The following SLC9A9 variants were observed in gnomAD, a reference collection of about 807,000 sequenced individuals.
SLC9A9 encodes the protein solute carrier family 9 member A9, also known as sodium/hydrogen exchanger 9.
A neutral mutation model predicts 77.8 loss-of-function variants in SLC9A9; 62 were observed. That is an observed-to-expected ratio of 0.80 (90% CI 0.65 to 0.98). The LOEUF (loss-of-function observed/expected upper bound fraction) is 0.98, where lower values mean the gene tolerates loss of function less well. SLC9A9 is among the 50% of genes least tolerant of loss of function. SLC9A9 has a pLI of 0.00. For missense variants in SLC9A9, 775 were observed against 774.9 expected (o/e 1.00, Z 0.00); for synonymous variants, 320 against 283.5 (o/e 1.13, Z -1.29).
intron 4 of SLC9A9, among the ~76,000 whole-genome samples, chr3:143,701,688 A>G (rs555039115): frequency 1.3e-5 from 2 of 152,340 alleles, no homozygotes; most frequent in South Asian, 4.1e-4. Flanking sequence ...CAAAAGGGCA[A>G]ATTTAAGAGT....
At chr3:143,518,023 T>C in intron 9 of SLC9A9, 2 of 1,427,054 alleles carry the variant, frequency 1.4e-6, no homozygotes, top group Non-Finnish European at 2.0e-6. Context: ...CTTCTGCCTT[T>C]AAGTCTTCCT....
intron 4 of SLC9A9, among the ~76,000 whole-genome samples, chr3:143,789,035 C>A (rs1296882858): frequency 6.6e-6 from 1 of 152,060 alleles, no homozygotes; most frequent in Admixed American, 6.6e-5. Context: ...CTTTGGAAAA[C>A]AATTTGGCAT....
intron 14 of SLC9A9, among the ~76,000 whole-genome samples, chr3:143,354,199 C>A (rs1030838070): frequency 5.9e-5 from 9 of 152,188 alleles, no homozygotes; most frequent in African/African-American, 2.2e-4. Flanking sequence ...GCTCTTCCTC[C>A]CTTCTCATTA....
intron 12 of SLC9A9, among the ~76,000 whole-genome samples, chr3:143,413,063 C>G (rs1485026556): frequency 6.6e-6 from 1 of 152,182 alleles, no homozygotes; most frequent in African/African-American, 2.4e-5. Context: ...ACAGGAGGAA[C>G]TTCTAATTAT....
intron 12 of SLC9A9, among the ~76,000 whole-genome samples, chr3:143,436,819 C>T (rs764203166): frequency 8.5e-5 from 13 of 152,312 alleles, no homozygotes; most frequent in Non-Finnish European, 1.6e-4. Context: ...TTGGCTGTGT[C>T]TTTGTCAGCA....
At chr3:143,776,459 G>T (rs1259474191) in intron 4 of SLC9A9, among the ~76,000 whole-genome samples, 1 of 152,146 alleles carries the variant, frequency 6.6e-6, no homozygotes, top group Non-Finnish European at 1.5e-5. Flanking sequence ...GAGCAAAGCA[G>T]GTTATGAAAA....
intron 2 of SLC9A9, among the ~76,000 whole-genome samples, chr3:143,816,943 T>G (rs115168764): frequency 0.017 from 2,616 of 152,292 alleles, 77 homozygotes; most frequent in African/African-American, 0.06. Context: ...GTGGTATCTC[T>G]TTAGTGAATT....
intron 9 of SLC9A9, among the ~76,000 whole-genome samples, chr3:143,505,104 T>G (rs2035989518): frequency 6.6e-6 from 1 of 152,110 alleles, no homozygotes; most frequent in South Asian, 2.1e-4. Context: ...AAGGTAAATT[T>G]CTTTGTACCC....
At chr3:143,620,821 G>A (rs2038193807) in intron 6 of SLC9A9, among the ~76,000 whole-genome samples, 1 of 152,138 alleles carries the variant, frequency 6.6e-6, no homozygotes, top group South Asian at 2.1e-4. Flanking sequence ...GCGAGGCATT[G>A]TCTCACCCAG....
At chr3:143,763,878 C>T (rs1332387173) in intron 4 of SLC9A9, among the ~76,000 whole-genome samples, 1 of 152,034 alleles carries the variant, frequency 6.6e-6, no homozygotes, top group East Asian at 1.9e-4. Flanking sequence ...TTTCTACACA[C>T]ATGCATTTAT....
chr3:143,283,258 G>A (rs1323230748), intron 14 of SLC9A9, among the ~76,000 whole-genome samples: 1 of 152,170 alleles, frequency 6.6e-6, no homozygotes, highest in African/African-American at 2.4e-5. Context: ...TCAGGAAATG[G>A]CACAAGACGG....
At chr3:143,714,594 A>C (rs1934283707) in intron 4 of SLC9A9, among the ~76,000 whole-genome samples, 1 of 152,210 alleles carries the variant, frequency 6.6e-6, no homozygotes, top group South Asian at 2.1e-4. Context: ...TCCATGCTCA[A>C]AACCCTTTTA....
intron 12 of SLC9A9, among the ~76,000 whole-genome samples, chr3:143,403,311 CTAT>C (rs1326771662): frequency 6.6e-5 from 10 of 152,052 alleles, no homozygotes; most frequent in Admixed American, 2.6e-4. Context: ...CTCATTTGTG[CTAT>C]TATTGTCAAA....
At position 143,562,862 on chromosome 3, in the gene SLC9A9, G is replaced by A. The variant is rs115577251; in HGVS notation, c.1001-10412C>T. On this transcript the variant is annotated intron_variant, in intron 8 of 15. Transcript: ENST00000316549. ...CAACTACATACATCTGGGTCCATGC[G>A]GAGTGGGTCATGCTCAAAAATATCT... 8.6e-3 allele frequency among the ~76,000 whole-genome samples: 1,306 copies of A among 151,856 alleles called. 14 individuals are homozygous for A. Among genetic ancestry groups the A allele is most frequent in the African/African-American group, 0.029 (1,205 of 41,398 alleles).
chr3:143,702,551 C>A (rs1313057969), intron 4 of SLC9A9, among the ~76,000 whole-genome samples: 3 of 150,596 alleles, frequency 2.0e-5, no homozygotes, highest in African/African-American at 4.9e-5. Context: ...AACTGCAAAT[C>A]AAAAAAAAAT....
intron 2 of SLC9A9, among the ~76,000 whole-genome samples, chr3:143,826,394 G>A (rs562406615): frequency 1.3e-5 from 2 of 152,266 alleles, no homozygotes; most frequent in South Asian, 4.1e-4. Context: ...AGCAGAGGAA[G>A]CTGTTTTTCC....
intron 9 of SLC9A9, among the ~76,000 whole-genome samples, chr3:143,507,734 C>T (rs1039255611): frequency 2.0e-5 from 3 of 152,194 alleles, no homozygotes; most frequent in Admixed American, 1.3e-4. Context: ...ATAATAAATA[C>T]ACCATAGACT....
At chr3:143,821,714 CT>C (rs1225348642) in intron 2 of SLC9A9, among the ~76,000 whole-genome samples, 6 of 152,188 alleles carry the variant, frequency 3.9e-5, no homozygotes, top group African/African-American at 1.4e-4. Flanking sequence ...ATAAATACTC[CT>C]ATTATGGCCC....
rs553477225 is a variant in SLC9A9 at position 143,448,053 on chromosome 3, G to T, written c.1469+18984C>A. Among the ~76,000 whole-genome samples, 71 of 152,302 alleles carry T rather than the reference G, an allele frequency of 4.7e-4. 1 individual carries two copies. The South Asian group carries it at 0.014, about 30-fold the overall frequency. ...CATTTTCAAAGGCATATTGCATCCC[G>T]TGGGACTAAGTGTCCCATTAGTAAA... On this transcript the variant is annotated intron_variant, in intron 12 of 15. Transcript: ENST00000316549.
Sources: allele counts gnomAD v4.1 joint callset (sites outside exome capture counted in the v4.1 genomes callset), GRCh38; gene constraint gnomAD v4.1.1; transcripts MANE v1.5; gene names NCBI Gene and HGNC (gene_info 2026-07-23, HGNC 2026-07-21).